The following RBFOX3 variants were observed in gnomAD, a reference collection of about 807,000 sequenced individuals.
RBFOX3 encodes the protein RNA binding protein fox-1 homolog 3.
Under a neutral mutation model 48.7 loss-of-function variants are expected in RBFOX3, and 17 were observed. The ratio of observed to expected loss-of-function variants is 0.35; its 90% CI spans 0.24 to 0.52. The LOEUF is 0.52. Among genes scored for constraint, RBFOX3 ranks in the 20% least tolerant of loss-of-function variants. The pLI is 0.94. For synonymous variants in RBFOX3, 212 were observed against 209.5 expected (o/e 1.01, Z -0.10); for missense variants, 382 against 497.5 (o/e 0.77, Z 2.21).
At chr17:79,620,334 CACAG>C in the RBFOX3 span, among the ~76,000 whole-genome samples, 1 of 149,772 alleles carries the variant, frequency 6.7e-6, no homozygotes, top group East Asian at 2.1e-4. Context: ...CACGCACGCA[CACAG>C]ACATGCACAC....
chr17:79,129,547 C>T (rs2143033830), intron 4 of RBFOX3, among the ~76,000 whole-genome samples: 1 of 152,354 alleles, frequency 6.6e-6, no homozygotes, highest in South Asian at 2.1e-4. Flanking sequence ...ACCTAGTGAC[C>T]AACCAGGGTT....
chr17:79,230,141 A>G (rs1002543339), intron 4 of RBFOX3, among the ~76,000 whole-genome samples: 1 of 152,186 alleles, frequency 6.6e-6, no homozygotes, highest in Non-Finnish European at 1.5e-5. Context: ...AGTGATGATG[A>G]GGCTGGTTGG....
At chr17:79,647,759 T>A in the RBFOX3 span, among the ~76,000 whole-genome samples, 1 of 152,104 alleles carries the variant, frequency 6.6e-6, no homozygotes, top group Admixed American at 6.5e-5. Context: ...ACCTGACCCC[T>A]GCCTCCTCCC....
intron 4 of RBFOX3, among the ~76,000 whole-genome samples, chr17:79,150,037 G>GGGTGGGGGTTGA (rs2044038162): frequency 1.9e-5 from 1 of 51,376 alleles, no homozygotes; most frequent in Non-Finnish European, 4.4e-5. Flanking sequence ...GTGGGGGGTG[G>GGGTGGGGGTTGA]GGGTGGGGGA....
chr17:79,446,647 T>G (rs1234531955), intron 2 of RBFOX3, among the ~76,000 whole-genome samples: 1 of 152,182 alleles, frequency 6.6e-6, no homozygotes, highest in African/African-American at 2.4e-5. Flanking sequence ...CTCACCACCC[T>G]TTTTCTAGAA....
At chr17:79,224,063 TGA>T (rs904932210) in intron 4 of RBFOX3, among the ~76,000 whole-genome samples, 3 of 152,068 alleles carry the variant, frequency 2.0e-5, no homozygotes, top group Admixed American at 6.5e-5. Context: ...GTGTCCTGAT[TGA>T]GAGTCTCTGG....
At chr17:79,548,864 C>T (rs568371717) in intron 1 of RBFOX3, among the ~76,000 whole-genome samples, 54 of 152,324 alleles carry the variant, frequency 3.5e-4, no homozygotes, top group African/African-American at 7.7e-4. Context: ...TTATTTTATC[C>T]TCATAAAAAG....
chr17:79,128,709 T>C (rs2037991811), intron 4 of RBFOX3, among the ~76,000 whole-genome samples: 1 of 152,192 alleles, frequency 6.6e-6, no homozygotes, highest in African/African-American at 2.4e-5. Flanking sequence ...CGGGGCTGCC[T>C]GCCCCTGCTC....
intron 2 of RBFOX3, among the ~76,000 whole-genome samples, chr17:79,472,122 G>A (rs1598844338): frequency 6.6e-6 from 1 of 152,150 alleles, no homozygotes; most frequent in African/African-American, 2.4e-5. Context: ...TGGGGTGGGG[G>A]TGGGCTCTGG....
At chr17:79,534,227 G>T (rs2150110454) in intron 1 of RBFOX3, among the ~76,000 whole-genome samples, 1 of 152,318 alleles carries the variant, frequency 6.6e-6, no homozygotes, top group South Asian at 2.1e-4. Flanking sequence ...TGAGACAGGA[G>T]ACCTCATCAC....
the RBFOX3 span, among the ~76,000 whole-genome samples, chr17:79,656,745 AGAAAGAAGGAAGGAAGGAAG>A: frequency 2.5e-5 from 2 of 79,824 alleles, no homozygotes; most frequent in Non-Finnish European, 5.2e-5. Context: ...AAAGAAAGAA[AGAAAGAAGGAAGGAAGGAAG>A]GAAGGAAGGA....
intron 2 of RBFOX3, among the ~76,000 whole-genome samples, chr17:79,466,025 T>A (rs2076269886): frequency 6.6e-6 from 1 of 152,174 alleles, no homozygotes; most frequent in Admixed American, 6.5e-5. Context: ...CGTCTCCATA[T>A]CCACATCCAA....
At chr17:79,551,244 C>G (rs1418581534) in intron 1 of RBFOX3, among the ~76,000 whole-genome samples, 2 of 152,040 alleles carry the variant, frequency 1.3e-5, no homozygotes, top group Non-Finnish European at 2.9e-5. Context: ...TTCCCCTCTC[C>G]CCCAGCCCCT....
intron 4 of RBFOX3, among the ~76,000 whole-genome samples, chr17:79,127,884 T>C (rs1221578007): frequency 7.9e-5 from 12 of 152,164 alleles, no homozygotes; most frequent in Admixed American, 7.2e-4. Flanking sequence ...AAGGAGAAAA[T>C]GGGCACCGGA....
At chr17:79,336,992 C>T (rs74674408) in intron 2 of RBFOX3, among the ~76,000 whole-genome samples, 13,577 of 152,100 alleles carry the variant, frequency 0.089, 808 homozygotes, top group South Asian at 0.19. Context: ...TGGTAGTGCA[C>T]GCCTGTAATC....
chr17:79,420,195 GCCT>G (rs1555721534), intron 2 of RBFOX3, among the ~76,000 whole-genome samples: 4 of 149,120 alleles, frequency 2.7e-5, no homozygotes, highest in East Asian at 2.0e-4. Flanking sequence ...TAACAGGTGT[GCCT>G]CCTTTTAGGC....
intron 1 of RBFOX3, among the ~76,000 whole-genome samples, chr17:79,546,114 G>A (rs2090394757): frequency 6.6e-6 from 1 of 152,240 alleles, no homozygotes; most frequent in African/African-American, 2.4e-5. Context: ...GGTAGATCCA[G>A]AAAGGTCATA....
chr17:79,181,624 G>A (rs980701529), intron 4 of RBFOX3, among the ~76,000 whole-genome samples: 1 of 46,090 alleles, frequency 2.2e-5, no homozygotes. Context: ...GCAGGCCACT[G>A]CCGGCCACCC....
chr17:79,096,174 A>AG (rs770448279), intron 12 of RBFOX3, among the ~76,000 whole-genome samples: 8 of 152,212 alleles, frequency 5.3e-5, no homozygotes, highest in Non-Finnish European at 1.2e-4. Flanking sequence ...AGTGAGTCTG[A>AG]GACAGAGGAA....
Sources: allele counts gnomAD v4.1 joint callset (sites outside exome capture counted in the v4.1 genomes callset), GRCh38; gene constraint gnomAD v4.1.1; transcripts MANE v1.5; gene names NCBI Gene and HGNC (gene_info 2026-07-23, HGNC 2026-07-21).